TCERG1L: variants seen among roughly 807,000 people sequenced by gnomAD.
The protein encoded by TCERG1L is transcription elongation regulator 1 like, also known as transcription elongation regulator 1-like protein.
TCERG1L carries 37 observed loss-of-function variants against 56.3 expected under a neutral mutation model. The ratio of observed to expected loss-of-function variants is 0.66; its 90% CI spans 0.51 to 0.87. The LOEUF (loss-of-function observed/expected upper bound fraction) is 0.87, where lower values mean the gene tolerates loss of function less well. Among genes scored for constraint, TCERG1L ranks in the 40% least tolerant of loss-of-function variants. The pLI is 0.00. For missense variants in TCERG1L, 799 were observed against 774.2 expected, an observed-to-expected ratio of 1.03 and a Z score of -0.38; for synonymous variants, 324 against 326.3, an observed-to-expected ratio of 0.99 and a Z score of 0.08.
chr10:131,123,807 T>C (rs928686046), intron 8 of TCERG1L, among the ~76,000 whole-genome samples: 3 of 152,134 alleles, frequency 2.0e-5, no homozygotes, highest in Admixed American at 2.0e-4. Context: ...GAGTGCACGG[T>C]TATTCCCATT....
chr10:131,165,602 A>G (rs1444013652), intron 5 of TCERG1L, among the ~76,000 whole-genome samples: 1 of 152,220 alleles, frequency 6.6e-6, no homozygotes, highest in Non-Finnish European at 1.5e-5. Flanking sequence ...TTAGCAATCC[A>G]GTTAGAAAAA....
chr10:131,201,001 G>C (rs944281582), intron 4 of TCERG1L, among the ~76,000 whole-genome samples: 1 of 152,156 alleles, frequency 6.6e-6, no homozygotes, highest in Admixed American at 6.5e-5. Context: ...CCCTCGGGCG[G>C]ATACAGAATC....
chr10:131,299,520 T>C (rs1413548017), intron 3 of TCERG1L, among the ~76,000 whole-genome samples: 1 of 151,698 alleles, frequency 6.6e-6, no homozygotes, highest in South Asian at 2.1e-4. Context: ...GATATATCTT[T>C]CGAAGATAAA....
At chr10:131,148,567 TACAC>T (rs1253999308) in intron 6 of TCERG1L, among the ~76,000 whole-genome samples, 1 of 146,176 alleles carries the variant, frequency 6.8e-6, no homozygotes, top group African/African-American at 2.6e-5. Context: ...GAAACACACA[TACAC>T]ACAAATACAG....
At chr10:131,310,338 T>C (rs1369645568) in intron 1 of TCERG1L, among the ~76,000 whole-genome samples, 1 of 152,178 alleles carries the variant, frequency 6.6e-6, no homozygotes, top group African/African-American at 2.4e-5. Context: ...CACATAAAAA[T>C]ACAATATCCA....
At chr10:131,152,420 G>C (rs996164509) in intron 6 of TCERG1L, among the ~76,000 whole-genome samples, 1 of 152,158 alleles carries the variant, frequency 6.6e-6, no homozygotes, top group African/African-American at 2.4e-5. Context: ...ATCTCCATCT[G>C]AGACCACCTC....
intron 3 of TCERG1L, among the ~76,000 whole-genome samples, chr10:131,287,959 G>C (rs763352348): frequency 6.6e-6 from 1 of 152,114 alleles, no homozygotes; most frequent in Non-Finnish European, 1.5e-5. Flanking sequence ...AATTTTAAAC[G>C]ATAGACTAGA....
chr10:131,162,073 G>C (rs938689423), intron 6 of TCERG1L: 2 of 152,290 alleles, frequency 1.3e-5, no homozygotes, highest in Non-Finnish European at 2.9e-5. Context: ...GGCAGCTGGG[G>C]GGCCCCATTT....
rs1175273645 is a variant in TCERG1L, at chr10:131,098,095, A to C, written c.1604+211T>G. On this transcript the variant is annotated intron_variant, in intron 11 of 11. Transcript: ENST00000368642. Reference sequence around the variant, plus strand: ...TGGTTAGCAAATAGCCCACTTTCCCAGGACTGATGAGAGGGACATTTGGAG... The same window carrying C: ...TGGTTAGCAAATAGCCCACTTTCCCCGGACTGATGAGAGGGACATTTGGAG... Among the ~76,000 whole-genome samples the C allele has an allele frequency of 3.3e-5, 5 of 152,234 alleles. No individual in the cohort carries two copies. The East Asian group carries it at 9.6e-4, about 29-fold the overall frequency.
intron 7 of TCERG1L, among the ~76,000 whole-genome samples, 165 bp from the exon 8 acceptor site, chr10:131,134,613 C>CTTT (rs1845654300): frequency 6.6e-6 from 1 of 152,224 alleles, no homozygotes. Context: ...GGCACACATG[C>CTTT]TTTTACATTT....
chr10:131,222,141 C>T (rs1348320797), intron 4 of TCERG1L, among the ~76,000 whole-genome samples: 4 of 152,214 alleles, frequency 2.6e-5, no homozygotes, highest in African/African-American at 9.6e-5. Context: ...TATGAAATGG[C>T]CTTAGGAGTT....
At chr10:131,225,981 A>G (rs1845787411) in intron 4 of TCERG1L, among the ~76,000 whole-genome samples, 1 of 152,240 alleles carries the variant, frequency 6.6e-6, no homozygotes, top group Non-Finnish European at 1.5e-5. Context: ...GCTGTCATCC[A>G]GGCTACAGTG....
At chr10:131,222,397 T>C (rs142271640) in intron 4 of TCERG1L, among the ~76,000 whole-genome samples, 122 of 152,296 alleles carry the variant, frequency 8.0e-4, no homozygotes, top group African/African-American at 2.7e-3. Flanking sequence ...AGTTAAAAAA[T>C]GTGTCAACTT....
intron 3 of TCERG1L, among the ~76,000 whole-genome samples, chr10:131,299,481 TTATATCTTTTGAAGA>T (rs1846735404): frequency 6.6e-6 from 1 of 152,132 alleles, no homozygotes; most frequent in South Asian, 2.1e-4. Context: ...CTCTACTGTT[TTATATCTTTTGAAGA>T]TATATCTTTC....
intron 4 of TCERG1L, among the ~76,000 whole-genome samples, chr10:131,249,864 A>AG (rs1162102233): frequency 6.6e-6 from 1 of 152,176 alleles, no homozygotes; most frequent in Non-Finnish European, 1.5e-5. Flanking sequence ...GGCAAATAAG[A>AG]ACCTGGGGAG....
In TCERG1L at chr10:131,260,824, C is replaced by T. The variant is rs778014168; in HGVS notation, c.671-380G>A. On this transcript the variant is annotated intron_variant, in intron 3 of 11. Transcript: ENST00000368642. This position sits in a 1 kb window ranked among gnomAD's most constrained non-coding sequence, Gnocchi z 5.8. ...GCACTCAGTGATTTGGAGCAGAAAC[C>T]GGTGAAGGCCCAGGAGTGCCACATA... Among the ~76,000 whole-genome samples, 49 of 152,118 alleles carry T rather than the reference C, an allele frequency of 3.2e-4. No individual in the cohort carries two copies. The highest frequency in any genetic ancestry group is 5.3e-4 in the Non-Finnish European group (36 of 68,034).
At chr10:131,181,610 G>C (rs1032415492) in intron 4 of TCERG1L, among the ~76,000 whole-genome samples, 7 of 152,250 alleles carry the variant, frequency 4.6e-5, no homozygotes, top group Non-Finnish European at 8.8e-5. Flanking sequence ...AGCCTGCTGA[G>C]CCAGCCTCAT....
chr10:131,206,707 C>T (rs1201465819), intron 4 of TCERG1L, among the ~76,000 whole-genome samples: 1 of 152,184 alleles, frequency 6.6e-6, no homozygotes, highest in Admixed American at 6.5e-5. Flanking sequence ...GAAGTAGCAG[C>T]TGAGCTCAGC....
chr10:131,257,054 A>AAAGAAAGGAAGG (rs1336988347), intron 4 of TCERG1L, among the ~76,000 whole-genome samples: 1 of 135,458 alleles, frequency 7.4e-6, no homozygotes, highest in East Asian at 2.3e-4. Flanking sequence ...AGAAAGAAAG[A>AAAGAAAGGAAGG]AAAGAAAGAA....
Sources: gnomAD v4.1 joint callset for allele counts (sites outside exome capture counted in the v4.1 genomes callset) on GRCh38, gnomAD v4.1.1 for gene constraint, Gnocchi (gnomAD v3.1) non-coding constraint, MANE v1.5 for transcripts, NCBI Gene and HGNC (gene_info 2026-07-23, HGNC 2026-07-21) for gene names.